The following DLGAP2 variants were observed in gnomAD, a reference collection of about 807,000 sequenced individuals.
The protein encoded by DLGAP2 is disks large-associated protein 2.
DLGAP2 carries 26 observed loss-of-function variants against 100.3 expected under a neutral mutation model. The observed-to-expected ratio is 0.26, with a 90% CI of 0.19 to 0.36. The LOEUF is 0.36. Among genes scored for constraint, DLGAP2 ranks in the 10% least tolerant of loss-of-function variants. DLGAP2 has a pLI of 1.00. For missense variants in DLGAP2, 1,858 were observed against 1,453.2 expected (o/e 1.28, Z -4.53); for synonymous variants, 886 against 630.1 (o/e 1.41, Z -6.08).
intron 5 of DLGAP2, among the ~76,000 whole-genome samples, chr8:1,555,095 G>C (rs1334581998): frequency 6.6e-6 from 1 of 152,136 alleles, no homozygotes; most frequent in African/African-American, 2.4e-5. Context: ...GCCGTGAATG[G>C]ATAGGAGAGT....
At chr8:1,513,391 G>A (rs1304915980) in intron 4 of DLGAP2, among the ~76,000 whole-genome samples, 1 of 151,968 alleles carries the variant, frequency 6.6e-6, no homozygotes, top group East Asian at 1.9e-4. Flanking sequence ...TGCAGAGGAG[G>A]AAGGGAGAGG....
At chr8:1,091,529 G>A (rs1161250430) in intron 2 of DLGAP2, among the ~76,000 whole-genome samples, 1 of 152,080 alleles carries the variant, frequency 6.6e-6, no homozygotes, top group Non-Finnish European at 1.5e-5. Flanking sequence ...GCCTTCCTGC[G>A]CCCACCTATG....
chr8:980,146 A>ACCT (rs1800287132), intron 2 of DLGAP2, among the ~76,000 whole-genome samples: 3 of 152,224 alleles, frequency 2.0e-5, no homozygotes, highest in Admixed American at 2.0e-4. Flanking sequence ...TGAAGAGGAG[A>ACCT]CCTCTCAGGA....
intron 2 of DLGAP2, among the ~76,000 whole-genome samples, chr8:1,010,817 C>T (rs1178995348): frequency 6.6e-6 from 1 of 152,220 alleles, no homozygotes; most frequent in Non-Finnish European, 1.5e-5. Context: ...GAGATCTAAA[C>T]CCCAGGGAGC....
chr8:922,857 C>T (rs987480190), intron 2 of DLGAP2, among the ~76,000 whole-genome samples: 1 of 152,156 alleles, frequency 6.6e-6, no homozygotes, highest in Non-Finnish European at 1.5e-5. Flanking sequence ...GGTTAATGTG[C>T]AGGCATCTTA....
intron 1 of DLGAP2, among the ~76,000 whole-genome samples, chr8:745,908 C>G (rs1820606292): frequency 6.6e-6 from 1 of 152,180 alleles, no homozygotes; most frequent in Admixed American, 6.5e-5. Context: ...AAAGAGGAAC[C>G]CTAGAAGCCT....
At chr8:1,598,620 A>G (rs779135178) in intron 6 of DLGAP2, among the ~76,000 whole-genome samples, 2 of 152,018 alleles carry the variant, frequency 1.3e-5, no homozygotes, top group South Asian at 2.1e-4. Context: ...GGAATGTATC[A>G]GTTTCTTCTA....
rs777036105 is a variant in DLGAP2 at position 1,353,970 on chromosome 8, A to G, written c.106+95087A>G. Among the ~76,000 whole-genome samples, 4 of 152,324 alleles carry G rather than the reference A, an allele frequency of 2.6e-5. No homozygotes were observed. In the East Asian group the frequency reaches 7.7e-4, roughly 29 times the overall value. ...GCGTCACTAGCTATGAAGTAAGTGG[A>G]CGTTTTTTTAAAAACCTAGTGCTTC... On this transcript the variant is annotated intron_variant, in intron 3 of 14. Transcript: ENST00000637795.
intron 2 of DLGAP2, among the ~76,000 whole-genome samples, chr8:1,017,835 C>A (rs565118190): frequency 1.1e-4 from 16 of 152,352 alleles, no homozygotes; most frequent in African/African-American, 3.6e-4. Context: ...CTGTCCCAGG[C>A]CTCCAGCTGC....
At chr8:1,562,360 C>T (rs1210451616) in intron 5 of DLGAP2, among the ~76,000 whole-genome samples, 2 of 44,578 alleles carry the variant, frequency 4.5e-5, no homozygotes, top group South Asian at 1.5e-3. Context: ...TTGGGGTGTC[C>T]GCGCCTCGTT....
chr8:799,170 A>G (rs1391479201), intron 1 of DLGAP2, among the ~76,000 whole-genome samples: 1 of 152,082 alleles, frequency 6.6e-6, no homozygotes, highest in Non-Finnish European at 1.5e-5. Flanking sequence ...TGGGAGGCCG[A>G]CACCCCAGGC....
At chr8:1,124,998 C>T (rs959665375) in intron 2 of DLGAP2, among the ~76,000 whole-genome samples, 1 of 152,286 alleles carries the variant, frequency 6.6e-6, no homozygotes, top group African/African-American at 2.4e-5. Flanking sequence ...GAGGAAGCAT[C>T]GTCTCCCTCG....
chr8:1,338,061 C>G (rs1330854510), intron 3 of DLGAP2, among the ~76,000 whole-genome samples: 5 of 152,196 alleles, frequency 3.3e-5, no homozygotes, highest in East Asian at 1.9e-4. Context: ...ACTGGAGAAA[C>G]CAGGCCCTTC....
intron 3 of DLGAP2, among the ~76,000 whole-genome samples, chr8:1,447,555 G>T (rs149595367): frequency 0.025 from 3,820 of 152,238 alleles, 133 homozygotes; most frequent in African/African-American, 0.086. Flanking sequence ...CTCTTTTTCG[G>T]TTGTGTCTCT....
chr8:1,185,701 ACTCACACT>A lies in DLGAP2; in HGVS notation c.74-73148_74-73141del, dbSNP rs1207802543. 4.1e-4 allele frequency among the ~76,000 whole-genome samples: 47 copies of A among 115,776 alleles called. No homozygotes were observed. The East Asian group carries it at 6.6e-3, about 16-fold the overall frequency. 76.0% of individuals were successfully genotyped at this position (115,776 alleles called of 152,430 possible). A position where few individuals can be genotyped will look rare whatever the true frequency, so the allele number is the denominator to read the frequency against. On this transcript the variant is annotated intron_variant, in intron 2 of 14. Coordinates refer to ENST00000637795, the MANE Select transcript of DLGAP2 (RefSeq NM_001346810.2). Reference sequence around the variant, plus strand: ...ATGTAAACTAGCTGTAAACACACACACTCACACTCACACACACACACACACTCACACTC... The same window carrying A: ...ATGTAAACTAGCTGTAAACACACACACACACACACACACACACTCACACTC...
chr8:1,617,547 G>A (rs965389202), intron 6 of DLGAP2, among the ~76,000 whole-genome samples: 1 of 152,104 alleles, frequency 6.6e-6, no homozygotes, highest in African/African-American at 2.4e-5. Flanking sequence ...GTCTGTTCAT[G>A]TTCTTTGCCC....
At position 1,110,515 on chromosome 8, in the gene DLGAP2, G is replaced by A. The variant is rs573902081; in HGVS notation, c.74-148336G>A. On this transcript the variant is annotated intron_variant, in intron 2 of 14. Coordinates refer to ENST00000637795, the MANE Select transcript of DLGAP2 (RefSeq NM_001346810.2). ...TGTGATGTGTGCACGTGCCTGTGAA[G>A]TGTGCTGGGTCTGTGAGGTGTGCAT... Among the ~76,000 whole-genome samples the A allele has an allele frequency of 2.8e-4, 41 of 148,936 alleles. No individual in the cohort carries two copies. In the South Asian group the frequency reaches 8.7e-3, roughly 32 times the overall value.
Position 881,666 on chromosome 8 carries a change from A to ATGTATATATATATATATATATATATATAT in DLGAP2, c.19-26246_19-26245insTGTATATATATATATATATATATATATAT. On this transcript the variant is annotated intron_variant, in intron 1 of 14. Transcript: ENST00000637795. ...AGGCGCACGCCACCACTTGTGGCTGAACACACACACACACACTTTTTTTTT... is the reference window on the plus strand; with the variant it reads ...AGGCGCACGCCACCACTTGTGGCTGATGTATATATATATATATATATATATATATACACACACACACACACTTTTTTTTT... Among the ~76,000 whole-genome samples, 448 of 130,988 alleles carry ATGTATATATATATATATATATATATATAT rather than the reference A, an allele frequency of 3.4e-3. 19 individuals are homozygous for ATGTATATATATATATATATATATATATAT. Among genetic ancestry groups the ATGTATATATATATATATATATATATATAT allele is most frequent in the African/African-American group, 9.6e-3 (354 of 36,736 alleles). 85.9% of individuals were successfully genotyped at this position (130,988 alleles called of 152,430 possible).
chr8:1,637,495 C>A (rs113450457), intron 8 of DLGAP2, among the ~76,000 whole-genome samples: 1,838 of 152,110 alleles, frequency 0.012, 17 homozygotes, highest in Non-Finnish European at 0.02. Context: ...CCAGCCTGCA[C>A]ACCCCACAAA....
Sources: gnomAD v4.1 joint callset for allele counts (sites outside exome capture counted in the v4.1 genomes callset) on GRCh38, gnomAD v4.1.1 for gene constraint, MANE v1.5 for transcripts, NCBI Gene and HGNC (gene_info 2026-07-23, HGNC 2026-07-21) for gene names.